ASAP2: variants seen among roughly 807,000 people sequenced by gnomAD.
The protein encoded by ASAP2 is ArfGAP with SH3 domain, ankyrin repeat and PH domain 2, also known as arf-GAP with SH3 domain, ANK repeat and PH domain-containing protein 2.
ASAP2 carries 45 observed loss-of-function variants against 131.4 expected under a neutral mutation model. The observed-to-expected ratio is 0.34, with a 90% CI of 0.27 to 0.44. The LOEUF (loss-of-function observed/expected upper bound fraction) is 0.44. Among genes scored for constraint, ASAP2 ranks in the 20% least tolerant of loss-of-function variants. The pLI, the probability that ASAP2 is intolerant of heterozygous loss-of-function variation, is 1.00. For missense variants in ASAP2, 1,011 were observed against 1,297.0 expected (o/e 0.78, Z 3.39); for synonymous variants, 510 against 503.0 (o/e 1.01, Z -0.19).
chr2:9,254,532 T>A (rs1172444251), intron 1 of ASAP2, among the ~76,000 whole-genome samples: 12 of 82,918 alleles, frequency 1.4e-4, no homozygotes, highest in Non-Finnish European at 3.0e-4. Context: ...TTTGGATTTT[T>A]TTTTTTTTTT....
At chr2:9,227,403 G>C (rs1662852858) in intron 1 of ASAP2, among the ~76,000 whole-genome samples, 1 of 152,154 alleles carries the variant, frequency 6.6e-6, no homozygotes, top group Admixed American at 6.5e-5. Flanking sequence ...CGGTGGACTT[G>C]TTTCCTGTGT....
intron 9 of ASAP2, among the ~76,000 whole-genome samples, chr2:9,343,234 G>T (rs1671710732): frequency 6.6e-6 from 1 of 152,098 alleles, no homozygotes; most frequent in Non-Finnish European, 1.5e-5. Flanking sequence ...TTTTCATTGT[G>T]TCCCTGTTTC....
rs1034899300 is a variant in ASAP2, at chr2:9,392,913, C to T, written c.2519-569C>T. On this transcript the variant is annotated intron_variant, in intron 23 of 27. Transcript: ENST00000281419. This position sits in a 1 kb window ranked among gnomAD's most constrained non-coding sequence, Gnocchi z 4.0. ...GTCTTACCAGCTCTGCCACCCTTGA[C>T]GAGAGCTCTTCCCCTCCGTGGGCCT... 2.6e-5 allele frequency among the ~76,000 whole-genome samples: 4 copies of T among 152,202 alleles called. No individual in the cohort carries two copies. The highest frequency in any genetic ancestry group is 7.2e-5 in the African/African-American group (3 of 41,456).
chr2:9,297,452 A>G lies in ASAP2; in HGVS notation c.345+7A>G. Reference sequence around the variant, plus strand: ...AGCACTTTTCAAAAACCTGGTAAGCAGCTCTGTGTATGAAATGCTGCGGTT... The same window carrying G: ...AGCACTTTTCAAAAACCTGGTAAGCGGCTCTGTGTATGAAATGCTGCGGTT... On this transcript the variant is annotated splice_region_variant and intron_variant, in intron 3 of 27. Coordinates refer to ENST00000281419, the MANE Select transcript of ASAP2 (RefSeq NM_003887.3). 1 of 1,614,044 alleles carries G rather than the reference A, an allele frequency of 6.2e-7. No individual in the cohort carries two copies. The highest frequency in any genetic ancestry group is 8.5e-7 in the Non-Finnish European group (1 of 1,179,896).
intron 9 of ASAP2, among the ~76,000 whole-genome samples, chr2:9,337,981 A>G (rs556202137): frequency 6.6e-6 from 1 of 152,294 alleles, no homozygotes; most frequent in African/African-American, 2.4e-5. Flanking sequence ...TTTGGAGAAG[A>G]TCCTATTTAC....
intron 18 of ASAP2, 27 bp from the exon 19 acceptor site, chr2:9,378,915 GCT>G (rs747944797): frequency 4.5e-5 from 63 of 1,392,574 alleles, no homozygotes; most frequent in Non-Finnish European, 5.6e-5. Context: ...GACACACTAT[GCT>G]CTCTCTCTGT....
chr2:9,210,882 G>A (rs1661490080), intron 1 of ASAP2, among the ~76,000 whole-genome samples: 1 of 151,712 alleles, frequency 6.6e-6, no homozygotes, highest in Non-Finnish European at 1.5e-5. Context: ...CAGGCCAGGT[G>A]CGGTGGCTCA....
rs368374125 is a variant in ASAP2, at chr2:9,307,937, C to T, written c.345+10492C>T. ...GTGCATAGACGGGAGTGTGTGCATA[C>T]GTGTGCTTGTCTGTGTGCATGCATA... is the stretch of plus-strand genomic sequence containing the variant. On this transcript the variant is annotated intron_variant, in intron 3 of 27. Coordinates refer to ENST00000281419, the MANE Select transcript of ASAP2 (RefSeq NM_003887.3). Among the ~76,000 whole-genome samples the T allele has an allele frequency of 1.3e-4, 20 of 152,176 alleles. No homozygotes were observed. The East Asian group carries it at 2.9e-3, about 22-fold the overall frequency.
intron 11 of ASAP2, among the ~76,000 whole-genome samples, chr2:9,349,885 G>GT (rs1672218917): frequency 6.6e-6 from 1 of 152,152 alleles, no homozygotes; most frequent in African/African-American, 2.4e-5. Context: ...CCCAAATTCA[G>GT]GTTTTTTTCA....
chr2:9,210,337 C>T (rs2147926295), intron 1 of ASAP2, among the ~76,000 whole-genome samples: 1 of 152,286 alleles, frequency 6.6e-6, no homozygotes, highest in Middle Eastern at 3.4e-3. Flanking sequence ...GTTAATAATA[C>T]CTATCAACTT....
chr2:9,280,887 C>T (rs1667090477), intron 2 of ASAP2, among the ~76,000 whole-genome samples: 2 of 152,216 alleles, frequency 1.3e-5, no homozygotes, highest in Non-Finnish European at 2.9e-5. Context: ...TCTCCTTATA[C>T]AAATGAGTAA....
chr2:9,305,859 G>A (rs962561452), intron 3 of ASAP2, among the ~76,000 whole-genome samples: 4 of 150,480 alleles, frequency 2.7e-5, no homozygotes, highest in Non-Finnish European at 4.4e-5. Context: ...AGATATTGGT[G>A]TAGAGGCTGT....
chr2:9,277,938 G>A (rs561721801), intron 1 of ASAP2, among the ~76,000 whole-genome samples: 12 of 152,294 alleles, frequency 7.9e-5, no homozygotes, highest in Admixed American at 5.9e-4. Flanking sequence ...CAGGGCTTAC[G>A]ATTCTGCTAT....
intron 1 of ASAP2, among the ~76,000 whole-genome samples, chr2:9,208,334 GGAGT>G (rs1661284964): frequency 7.0e-6 from 1 of 143,336 alleles, no homozygotes; most frequent in Non-Finnish European, 1.5e-5. Flanking sequence ...TGGGCTAGCA[GGAGT>G]GTGTGTGTGG....
chr2:9,273,324 C>G (rs1348346809), intron 1 of ASAP2, among the ~76,000 whole-genome samples: 3 of 152,006 alleles, frequency 2.0e-5, no homozygotes, highest in African/African-American at 7.3e-5. Context: ...GGATTATTTT[C>G]TTGATTGCTT....
intron 9 of ASAP2, 140 bp downstream of exon 9, chr2:9,335,319 A>G (rs1671133439): frequency 1.4e-6 from 1 of 691,156 alleles, no homozygotes; most frequent in South Asian, 1.8e-5. Flanking sequence ...CATTTAATGT[A>G]TTCTTGCAAT....
intron 24 of ASAP2, chr2:9,399,175 G>A (rs922580914): frequency 2.6e-5 from 4 of 152,306 alleles, no homozygotes; most frequent in African/African-American, 9.7e-5. Context: ...TCCGAGCAGC[G>A]AAGGGAGTGT....
chr2:9,214,060 T>G (rs1661801076), intron 1 of ASAP2, among the ~76,000 whole-genome samples: 1 of 152,204 alleles, frequency 6.6e-6, no homozygotes, highest in Non-Finnish European at 1.5e-5. Flanking sequence ...ATGGGCATTG[T>G]CAGATGCCTG....
chr2:9,293,964 A>C (rs1667989257), intron 2 of ASAP2, among the ~76,000 whole-genome samples: 1 of 151,956 alleles, frequency 6.6e-6, no homozygotes, highest in South Asian at 2.1e-4. Context: ...CTGGGGATCA[A>C]TACATCGTTT....
Sources: gnomAD v4.1 joint callset for allele counts (sites outside exome capture counted in the v4.1 genomes callset) on GRCh38, gnomAD v4.1.1 for gene constraint, Gnocchi (gnomAD v3.1) non-coding constraint, MANE v1.5 for transcripts, NCBI Gene and HGNC (gene_info 2026-07-23, HGNC 2026-07-21) for gene names.